Variants in ST3GAL4 observed in about 807,000 individuals in gnomAD.
ST3GAL4 encodes the protein CMP-N-acetylneuraminate-beta-galactosamide-alpha-2,3-sialyltransferase 4.
In ST3GAL4, 24 loss-of-function variants were observed where a neutral mutation model predicts 42.6. That is an observed-to-expected ratio of 0.56 (90% CI 0.41 to 0.79). The LOEUF (loss-of-function observed/expected upper bound fraction) is 0.79. ST3GAL4 is among the 30% of genes least tolerant of loss of function. ST3GAL4 has a pLI of 0.00. For synonymous variants in ST3GAL4, 135 were observed against 163.2 expected (o/e 0.83, Z 1.32); for missense variants, 311 against 430.8 (o/e 0.72, Z 2.46).
chr11:126,394,616 G>A (rs1217041058), intron 1 of ST3GAL4, among the ~76,000 whole-genome samples: 1 of 151,916 alleles, frequency 6.6e-6, no homozygotes, highest in African/African-American at 2.4e-5. Context: ...ATAGAGATGG[G>A]GTTTCACCAT....
chr11:126,375,453 G>A (rs1952799210), intron 1 of ST3GAL4, among the ~76,000 whole-genome samples: 1 of 152,136 alleles, frequency 6.6e-6, no homozygotes, highest in Non-Finnish European at 1.5e-5. Flanking sequence ...CAGTCTGCAC[G>A]GGATGGTTTT....
chr11:126,384,835 T>C lies in ST3GAL4; in HGVS notation c.-60-21261T>C. On this transcript the variant is annotated intron_variant, in intron 1 of 10. Coordinates refer to ENST00000444328, the MANE Select transcript of ST3GAL4 (RefSeq NM_001254757.2). The surrounding 1 kb of genome is among the most constrained non-coding windows in gnomAD (Gnocchi z 5.5). ...GCCGTGGCAGGTCCTTTGTCACATA[T>C]GGGCCAGGAGAGGTGAGTGTGATTG... The C allele has an allele frequency of 1.0e-6, 1 of 985,276 alleles. No homozygotes were observed. Among genetic ancestry groups the C allele is most frequent in the Non-Finnish European group, 1.2e-6 (1 of 829,902 alleles). The allele number at this position is 985,276 out of a possible 1,614,324, so 61.0% of individuals were successfully genotyped here.
Position 126,366,259 on chromosome 11 carries a change from C to A in ST3GAL4, c.-61+10417C>A, listed in dbSNP as rs1952421345. Among the ~76,000 whole-genome samples, 1 of 152,246 alleles carries A rather than the reference C, an allele frequency of 6.6e-6. No homozygotes were observed. Among genetic ancestry groups the A allele is most frequent in the South Asian group, 2.1e-4 (1 of 4,820 alleles). ...AGCAGCAGCAGCTGCTGTAGCTGAG[C>A]CCGGCCCACGGCCAGCCCTGAGGAA... On this transcript the variant is annotated intron_variant, in intron 1 of 10. Coordinates refer to ENST00000444328, the MANE Select transcript of ST3GAL4 (RefSeq NM_001254757.2). The surrounding 1 kb of genome is among the most constrained non-coding windows in gnomAD (Gnocchi z 4.2).
rs1591441045 is a variant in ST3GAL4 at position 126,379,442 on chromosome 11, G to A, written c.-61+23600G>A. On this transcript the variant is annotated intron_variant, in intron 1 of 10. Coordinates refer to ENST00000444328, the MANE Select transcript of ST3GAL4 (RefSeq NM_001254757.2). This position sits in a 1 kb window ranked among gnomAD's most constrained non-coding sequence, Gnocchi z 4.2. Reference sequence around the variant, plus strand: ...CATGATATCATCTACTTTTATGGAAGGATTTCTCTTGGGTATCCTTAATTT... The same window carrying A: ...CATGATATCATCTACTTTTATGGAAAGATTTCTCTTGGGTATCCTTAATTT... Among the ~76,000 whole-genome samples the A allele has an allele frequency of 6.6e-6, 1 of 152,048 alleles. No homozygotes were observed. Among genetic ancestry groups the A allele is most frequent in the Admixed American group, 6.6e-5 (1 of 15,252 alleles).
At chr11:126,367,326 G>A (rs573114356) in intron 1 of ST3GAL4, among the ~76,000 whole-genome samples, 8 of 152,354 alleles carry the variant, frequency 5.3e-5, no homozygotes, top group East Asian at 3.9e-4. Flanking sequence ...CGAGGGCAGG[G>A]CAGAGTGGGA....
In ST3GAL4 at chr11:126,412,789, T is replaced by C. The variant is rs1271478649; in HGVS notation, c.772-716T>C. ...CCAAGGAGGAGGGCAGAACACTTCC[T>C]TTCCTTTGAATGAGTTGCTTAACGC... is the stretch of plus-strand genomic sequence containing the variant. On this transcript the variant is annotated intron_variant, in intron 9 of 10. Coordinates refer to ENST00000444328, the MANE Select transcript of ST3GAL4 (RefSeq NM_001254757.2). Among the ~76,000 whole-genome samples, 6 of 152,362 alleles carry C rather than the reference T, an allele frequency of 3.9e-5. No homozygotes were observed. In the South Asian group the frequency reaches 6.2e-4, roughly 16 times the overall value.
Position 126,398,680 on chromosome 11 carries a change from T to C in ST3GAL4, c.-60-7416T>C, listed in dbSNP as rs1953879787. 6.6e-6 allele frequency among the ~76,000 whole-genome samples: 1 copy of C among 152,258 alleles called. No homozygotes were observed. The highest frequency in any genetic ancestry group is 2.4e-5 in the African/African-American group (1 of 41,474). ...TCTGACCCTGCAACCAGTCTCTGCC[T>C]GGGTCCCGAGTCTGTCCGCAATATC... On this transcript the variant is annotated intron_variant, in intron 1 of 10. Transcript: ENST00000444328. This position sits in a 1 kb window ranked among gnomAD's most constrained non-coding sequence, Gnocchi z 4.7.
At chr11:126,399,594 A>G (rs1246555911) in intron 1 of ST3GAL4, among the ~76,000 whole-genome samples, 2 of 152,154 alleles carry the variant, frequency 1.3e-5, no homozygotes, top group African/African-American at 4.8e-5. Context: ...GACGTGAGCT[A>G]CTGCGCCCAA....
Position 126,413,994 on chromosome 11 carries a change from G to T in ST3GAL4, c.949G>T (p.Ala317Ser). ...SGHNVSQEAL[A>S]IKRMLEMGAI... ...CCATAATGTCTCCCAAGAGGCCCTG[G>T]CCATTAAGCGGATGCTGGAGATGGG... The change falls in exon 11 of 11, where the codon GCC (alanine) becomes TCC (serine). Residue 317 changes from alanine to serine, a missense_variant. Ala to Ser is a moderately conservative substitution (Grantham distance 99). Transcript: ENST00000444328. 1 of 1,614,264 alleles carries T rather than the reference G, an allele frequency of 6.2e-7. No homozygotes were observed. The highest frequency in any genetic ancestry group is 1.1e-5 in the South Asian group (1 of 91,090).
intron 1 of ST3GAL4, among the ~76,000 whole-genome samples, chr11:126,365,387 G>A (rs1397001628): frequency 6.6e-6 from 1 of 152,130 alleles, no homozygotes; most frequent in East Asian, 1.9e-4. Flanking sequence ...ATTACGCAGG[G>A]CATGGTGTTG....
chr11:126,363,827 A>G lies in ST3GAL4; in HGVS notation c.-61+7985A>G, dbSNP rs1313477468. ...TCTACTCTCAGACCCCATTGAGGTG[A>G]GCACACAACAGTGTTCTGTGTGAGG... On this transcript the variant is annotated intron_variant, in intron 1 of 10. Coordinates refer to ENST00000444328, the MANE Select transcript of ST3GAL4 (RefSeq NM_001254757.2). This position sits in a 1 kb window ranked among gnomAD's most constrained non-coding sequence, Gnocchi z 4.6. 6.6e-6 allele frequency among the ~76,000 whole-genome samples: 1 copy of G among 152,226 alleles called. No individual in the cohort carries two copies. Among genetic ancestry groups the G allele is most frequent in the Admixed American group, 6.5e-5 (1 of 15,292 alleles).
rs1201955841 is a variant in ST3GAL4 at position 126,392,484 on chromosome 11, A to C, written c.-60-13612A>C. The C allele has an allele frequency of 1.9e-6, 1 of 533,770 alleles. No homozygotes were observed. The highest frequency in any genetic ancestry group is 2.4e-6 in the Non-Finnish European group (1 of 417,204). 33.1% of individuals were successfully genotyped at this position (533,770 alleles called of 1,614,324 possible). ...TGGCAGAAAGTGCGCTGGCTCTGCCAGCTCCCAGTGTGAGCTTCTAGCAAG... is the reference window on the plus strand; with the variant it reads ...TGGCAGAAAGTGCGCTGGCTCTGCCCGCTCCCAGTGTGAGCTTCTAGCAAG... On this transcript the variant is annotated intron_variant, in intron 1 of 10. Transcript: ENST00000444328. This position sits in a 1 kb window ranked among gnomAD's most constrained non-coding sequence, Gnocchi z 5.8.
chr11:126,359,591 A>G lies in ST3GAL4; in HGVS notation c.-61+3749A>G, dbSNP rs1008777928. Among the ~76,000 whole-genome samples the G allele has an allele frequency of 1.3e-5, 2 of 152,172 alleles. No homozygotes were observed. Among genetic ancestry groups the G allele is most frequent in the African/African-American group, 4.8e-5 (2 of 41,430 alleles). ...AGGGGTTTGCTCAAGGCCACAGTGT[A>G]TTAGTGTCAAAGGTGGAACACAAAC... On this transcript the variant is annotated intron_variant, in intron 1 of 10. Coordinates refer to ENST00000444328, the MANE Select transcript of ST3GAL4 (RefSeq NM_001254757.2). The surrounding 1 kb of genome is among the most constrained non-coding windows in gnomAD (Gnocchi z 4.8).
rs1262760980 is a variant in ST3GAL4 at position 126,391,894 on chromosome 11, T to C, written c.-60-14202T>C. Among the ~76,000 whole-genome samples, 1 of 151,442 alleles carries C rather than the reference T, an allele frequency of 6.6e-6. No homozygotes were observed. The highest frequency in any genetic ancestry group is 2.4e-5 in the African/African-American group (1 of 41,134). ...ACCTAATGTTGTGAAGTGGAAATAC[T>C]GGGGTGTGTTTTGAGGCTCAGAACA... On this transcript the variant is annotated intron_variant, in intron 1 of 10. Coordinates refer to ENST00000444328, the MANE Select transcript of ST3GAL4 (RefSeq NM_001254757.2). The surrounding 1 kb of genome is among the most constrained non-coding windows in gnomAD (Gnocchi z 5.5).
At position 126,408,397 on chromosome 11, in the gene ST3GAL4, C is replaced by A; in HGVS notation, c.528C>A (p.Asp176Glu). 1.2e-6 allele frequency: 2 copies of A among 1,614,186 alleles called. No homozygotes were observed. The highest frequency in any genetic ancestry group is 1.7e-6 in the Non-Finnish European group (2 of 1,180,042). Reference protein sequence around the residue: ...RLFYPESAHFDPKVENNPDTL... With the variant: ...RLFYPESAHFEPKVENNPDTL... The stretch of plus-strand genomic sequence containing the variant: ...TCTACCCTGAATCTGCCCACTTCGA[C>A]CCCAAAGTAGAAAACAACCCAGACA... The change falls in exon 8 of 11, where the codon GAC (aspartate) becomes GAA (glutamate). Residue 176 changes from aspartate to glutamate, a missense_variant. Coordinates refer to ENST00000444328, the MANE Select transcript of ST3GAL4 (RefSeq NM_001254757.2).
chr11:126,389,492 G>A (rs142800906), intron 1 of ST3GAL4, among the ~76,000 whole-genome samples: 103 of 152,306 alleles, frequency 6.8e-4, no homozygotes, highest in African/African-American at 2.4e-3. Context: ...AGCACACACT[G>A]TTTATACACA....
At chr11:126,413,271 C>T (rs1170253160) in intron 9 of ST3GAL4, 1 of 443,772 alleles carries the variant, frequency 2.3e-6, no homozygotes, top group Admixed American at 3.7e-5. Flanking sequence ...CTGCACCCAG[C>T]ACATGTGGCG....
intron 1 of ST3GAL4, among the ~76,000 whole-genome samples, chr11:126,371,228 G>C (rs2135408400): frequency 7.6e-6 from 1 of 132,038 alleles, no homozygotes; most frequent in South Asian, 2.5e-4. Context: ...GCAGTGGCGC[G>C]ATCTCGGCTC....
rs146300060 is a variant in ST3GAL4 at position 126,397,461 on chromosome 11, G to C, written c.-60-8635G>C. On this transcript the variant is annotated intron_variant, in intron 1 of 10. Transcript: ENST00000444328. The surrounding 1 kb of genome is among the most constrained non-coding windows in gnomAD (Gnocchi z 5.0). ...TAAAATTTTGTTACCTCTAAGTGCT[G>C]AAATTAAGGTATAAACAACGTCTCA... 3.3e-5 allele frequency among the ~76,000 whole-genome samples: 5 copies of C among 151,178 alleles called. No homozygotes were observed. The highest frequency in any genetic ancestry group is 5.9e-5 in the Non-Finnish European group (4 of 67,978).
Sources: allele counts gnomAD v4.1 joint callset (sites outside exome capture counted in the v4.1 genomes callset), GRCh38; gene constraint gnomAD v4.1.1; non-coding constraint Gnocchi (gnomAD v3.1); transcripts MANE v1.5; gene names NCBI Gene and HGNC (gene_info 2026-07-23, HGNC 2026-07-21).